The following CCDC39 variants were observed in gnomAD, a reference collection of about 807,000 sequenced individuals.
CCDC39 encodes coiled-coil domain 39 molecular ruler complex subunit, also known as coiled-coil domain-containing protein 39.
CCDC39 carries 113 observed loss-of-function variants against 121.0 expected under a neutral mutation model. The ratio of observed to expected loss-of-function variants is 0.93; its 90% CI spans 0.80 to 1.09. CCDC39 has a LOEUF of 1.09. Ranked by LOEUF, CCDC39 falls within the 50% of genes least tolerant of loss-of-function variation. The pLI, the probability that CCDC39 is intolerant of heterozygous loss-of-function variation, is 0.00. For missense variants in CCDC39, 1,063 were observed against 1,074.7 expected (o/e 0.99, Z 0.15); for synonymous variants, 349 against 352.2 (o/e 0.99, Z 0.10).
intron 1 of CCDC39, among the ~76,000 whole-genome samples, chr3:180,666,015 C>T (rs987648169): frequency 1.7e-4 from 26 of 152,026 alleles, no homozygotes; most frequent in East Asian, 9.6e-4. Context: ...GTGTACAGTT[C>T]AGTGGCAATA....
At chr3:180,643,192 C>T (rs557482755) in intron 12 of CCDC39, among the ~76,000 whole-genome samples, 133 of 152,074 alleles carry the variant, frequency 8.7e-4, no homozygotes, top group South Asian at 6.0e-3. Flanking sequence ...ATCTCCTGAC[C>T]TCATGATCCA....
intron 6 of CCDC39, among the ~76,000 whole-genome samples, chr3:180,655,337 G>GAA (rs557866275): frequency 2.6e-5 from 4 of 151,700 alleles, no homozygotes; most frequent in Non-Finnish European, 5.9e-5. Flanking sequence ...TTAGTGTTTT[G>GAA]AAAATAGCAT....
At chr3:180,634,920 G>A (rs148764742) in intron 13 of CCDC39, among the ~76,000 whole-genome samples, 1 of 152,252 alleles carries the variant, frequency 6.6e-6, no homozygotes, top group African/African-American at 2.4e-5. Context: ...TCTGTTGACT[G>A]TACTCAGTCT....
At chr3:180,667,780 T>C (rs773409396) in intron 1 of CCDC39, among the ~76,000 whole-genome samples, 5 of 152,260 alleles carry the variant, frequency 3.3e-5, no homozygotes, top group East Asian at 1.9e-4. Flanking sequence ...AAAGTTGACA[T>C]TGGCCAAAAA....
intron 7 of CCDC39, among the ~76,000 whole-genome samples, chr3:180,653,719 A>G (rs1382887601): frequency 6.6e-6 from 1 of 152,160 alleles, no homozygotes; most frequent in East Asian, 1.9e-4. Flanking sequence ...TCAAAACAAA[A>G]TAGTGCAGTC....
chr3:180,648,370 G>A lies in CCDC39; in HGVS notation c.1168-11C>T. On this transcript the variant is annotated splice_polypyrimidine_tract_variant and intron_variant, in intron 9 of 19. Coordinates refer to ENST00000476379, the MANE Select transcript of CCDC39 (RefSeq NM_181426.2). Reference sequence around the variant, plus strand: ...TTGAACATCTACTTCCTGATAATGAGAATTATAGTGATTAATGGAATTAAA... The same window carrying A: ...TTGAACATCTACTTCCTGATAATGAAAATTATAGTGATTAATGGAATTAAA... 1 of 1,456,770 alleles carries A rather than the reference G, an allele frequency of 6.9e-7. No homozygotes were observed. Among genetic ancestry groups the A allele is most frequent in the Non-Finnish European group, 9.3e-7 (1 of 1,078,702 alleles). The allele number at this position is 1,456,770 out of a possible 1,614,324, so 90.2% of individuals were successfully genotyped here. A position where few individuals can be genotyped will look rare whatever the true frequency, so the allele number is the denominator to read the frequency against.
intron 13 of CCDC39, among the ~76,000 whole-genome samples, chr3:180,638,191 G>C (rs1399983174): frequency 6.6e-6 from 1 of 152,034 alleles, no homozygotes; most frequent in Non-Finnish European, 1.5e-5. Flanking sequence ...AGGATAAAGA[G>C]AGTGTCCCAA....
intron 7 of CCDC39, among the ~76,000 whole-genome samples, chr3:180,653,415 C>T (rs997737305): frequency 3.9e-5 from 6 of 152,158 alleles, no homozygotes; most frequent in African/African-American, 1.4e-4. Flanking sequence ...CTTCCTTTAT[C>T]TCCCTAGATA....
At chr3:180,677,155 AATAATAATAATTT>A (rs1279650314) in intron 1 of CCDC39, among the ~76,000 whole-genome samples, 40 of 104,588 alleles carry the variant, frequency 3.8e-4, no homozygotes, top group African/African-American at 1.8e-3. Context: ...TAATAATAAT[AATAATAATAATTT>A]TATATATATA....
chr3:180,670,229 T>A (rs1266581047), intron 1 of CCDC39, among the ~76,000 whole-genome samples: 3 of 151,906 alleles, frequency 2.0e-5, no homozygotes, highest in Non-Finnish European at 4.4e-5. Flanking sequence ...AAAAAAAAAA[T>A]TATGTAATAT....
chr3:180,614,513 T>G lies in CCDC39; in HGVS notation c.*408A>C, dbSNP rs558124725. The stretch of plus-strand genomic sequence containing the variant: ...GAATAAAGAAAACCTAATTTTGGTG[T>G]CTTGTAGGGTAAATGAGATTTTCAC... On this transcript the variant is annotated 3_prime_UTR_variant, in exon 20 of 20. Transcript: ENST00000476379. 1 of 154,066 alleles carries G rather than the reference T, an allele frequency of 6.5e-6. No homozygotes were observed. Among genetic ancestry groups the G allele is most frequent in the African/African-American group, 2.4e-5 (1 of 41,584 alleles). The allele number at this position is 154,066 out of a possible 1,614,324, so 9.5% of individuals were successfully genotyped here. A position where few individuals can be genotyped will look rare whatever the true frequency, so the allele number is the denominator to read the frequency against.
Position 180,659,509 on chromosome 3 carries a change from C to T in CCDC39, c.681G>A (p.Trp227Ter). The T allele has an allele frequency of 8.1e-6, 13 of 1,613,442 alleles. No individual in the cohort carries two copies. Among genetic ancestry groups the T allele is most frequent in the Non-Finnish European group, 1.1e-5 (13 of 1,179,664 alleles). ...TCTGCATCTGTTCTATTGTGTTCTC[C>T]CATTGTTTAATGAGTTCTTGTCTTT... is the stretch of plus-strand genomic sequence containing the variant. The part of the protein sequence containing the change: ...HNERQELIKQ[W>*]ENTIEQMQKR... The change falls in exon 6 of 20, where the codon TGG becomes TGA. Residue 227 changes from tryptophan (W) to a stop codon, truncating the protein, a stop_gained. Transcript: ENST00000476379. LOFTEE classifies it high-confidence loss of function.
At chr3:180,662,710 C>A (rs943171797) in intron 2 of CCDC39, among the ~76,000 whole-genome samples, 6 of 152,114 alleles carry the variant, frequency 3.9e-5, no homozygotes, top group African/African-American at 1.4e-4. Flanking sequence ...AGTGTTGTTC[C>A]AAATAGTTTA....
chr3:180,657,445 A>C (rs1711609007), intron 6 of CCDC39, among the ~76,000 whole-genome samples: 1 of 152,228 alleles, frequency 6.6e-6, no homozygotes, highest in Non-Finnish European at 1.5e-5. Context: ...TGGATCTCGC[A>C]CATGACTGAC....
chr3:180,676,787 T>C (rs1712220930), intron 1 of CCDC39, among the ~76,000 whole-genome samples: 2 of 152,136 alleles, frequency 1.3e-5, no homozygotes, highest in Admixed American at 1.3e-4. Flanking sequence ...GTGGCACATA[T>C]ACACCATGGA....
chr3:180,643,109 G>C (rs1293967475), intron 12 of CCDC39, among the ~76,000 whole-genome samples: 3 of 151,798 alleles, frequency 2.0e-5, no homozygotes, highest in African/African-American at 4.8e-5. Context: ...ATAGGCGCCC[G>C]CCACCACGCC....
At chr3:180,638,348 GAATA>G (rs1429320883) in intron 13 of CCDC39, among the ~76,000 whole-genome samples, 1 of 152,040 alleles carries the variant, frequency 6.6e-6, no homozygotes, top group African/African-American at 2.4e-5. Context: ...GTTTAAGGGA[GAATA>G]AATATATGTA....
At chr3:180,646,747 T>C (rs1442241401) in intron 11 of CCDC39, among the ~76,000 whole-genome samples, 2 of 151,956 alleles carry the variant, frequency 1.3e-5, no homozygotes, top group African/African-American at 4.8e-5. Context: ...GCAGGAGGGG[T>C]CAAATCCTAG....
intron 1 of CCDC39, among the ~76,000 whole-genome samples, chr3:180,674,874 G>A (rs1047802226): frequency 6.6e-6 from 1 of 152,230 alleles, no homozygotes; most frequent in African/African-American, 2.4e-5. Flanking sequence ...TGCTGGATTC[G>A]GTTTGCCAGT....
Sources: allele counts gnomAD v4.1 joint callset (sites outside exome capture counted in the v4.1 genomes callset), GRCh38; gene constraint gnomAD v4.1.1; transcripts MANE v1.5; gene names NCBI Gene and HGNC (gene_info 2026-07-23, HGNC 2026-07-21).